Variants in SLC17A1 observed in about 807,000 individuals in gnomAD.
The protein encoded by SLC17A1 is sodium-dependent phosphate transport protein 1.
Under a neutral mutation model 53.5 loss-of-function variants are expected in SLC17A1, and 51 were observed. The observed-to-expected ratio is 0.95, with a 90% CI of 0.76 to 1.20. The LOEUF (loss-of-function observed/expected upper bound fraction) is 1.20. Ranked by LOEUF, SLC17A1 falls within the 50% of genes most tolerant of loss-of-function variation. The pLI is 0.00. For synonymous variants in SLC17A1, 179 were observed against 198.8 expected (o/e 0.90, Z 0.84); for missense variants, 538 against 568.2 (o/e 0.95, Z 0.54).
the SLC17A1 span, among the ~76,000 whole-genome samples, chr6:25,766,653 T>C: frequency 4.6e-5 from 7 of 152,192 alleles, no homozygotes; most frequent in Non-Finnish European, 8.8e-5. Flanking sequence ...AGAATGAGTT[T>C]ACCTCCATGG....
chr6:25,795,224 C>A (rs1763579225), intron 12 of SLC17A1, among the ~76,000 whole-genome samples: 1 of 151,990 alleles, frequency 6.6e-6, no homozygotes, highest in Non-Finnish European at 1.5e-5. Context: ...ACCAGGTAAA[C>A]AAAGGAGAAT....
intron 6 of SLC17A1, among the ~76,000 whole-genome samples, chr6:25,814,674 C>T (rs1764272007): frequency 6.6e-6 from 1 of 152,010 alleles, no homozygotes; most frequent in Non-Finnish European, 1.5e-5. Context: ...ATTGCCAAGA[C>T]AGAAAAAAGA....
At chr6:25,764,457 C>G in the SLC17A1 span, among the ~76,000 whole-genome samples, 2 of 152,206 alleles carry the variant, frequency 1.3e-5, no homozygotes, top group African/African-American at 4.8e-5. Flanking sequence ...AAGCACAACA[C>G]TTTGAGAAAG....
the SLC17A1 span, chr6:25,776,808 C>T: frequency 5.0e-6 from 8 of 1,613,900 alleles, no homozygotes; most frequent in Non-Finnish European, 6.8e-6. Context: ...TCCTCCTACC[C>T]CAGGGGTTCT....
chr6:25,783,263 T>C (rs1017315135), intron 12 of SLC17A1, 45 bp from the exon 13 acceptor site: 3 of 152,150 alleles, frequency 2.0e-5, no homozygotes, highest in Admixed American at 6.5e-5. Context: ...ACAAATGTCA[T>C]TTGTGAGTCC....
the SLC17A1 span, among the ~76,000 whole-genome samples, chr6:25,727,465 C>T: frequency 2.0e-5 from 3 of 150,632 alleles, no homozygotes; most frequent in South Asian, 6.3e-4. Flanking sequence ...AATCTCGGCT[C>T]ACTGCAAGCT....
the SLC17A1 span, among the ~76,000 whole-genome samples, chr6:25,724,979 C>T: frequency 0.29 from 42,450 of 146,858 alleles, 7,014 homozygotes; most frequent in East Asian, 0.69. Flanking sequence ...TATGTGTAGA[C>T]ATCAAGTGTT....
intron 10 of SLC17A1, among the ~76,000 whole-genome samples, chr6:25,806,465 A>G (rs1218737790): frequency 6.6e-6 from 1 of 152,124 alleles, no homozygotes; most frequent in African/African-American, 2.4e-5. Flanking sequence ...GACAACTGGA[A>G]CAAGACAAGG....
intron 2 of SLC17A1, among the ~76,000 whole-genome samples, chr6:25,830,087 T>C (rs1017183594): frequency 5.6e-4 from 85 of 152,190 alleles, no homozygotes; most frequent in African/African-American, 2.0e-3. Context: ...GCAGTAATCC[T>C]TTATTGTCAT....
chr6:25,728,234 C>A, the SLC17A1 span, among the ~76,000 whole-genome samples: 39 of 152,260 alleles, frequency 2.6e-4, no homozygotes, highest in African/African-American at 9.4e-4. Context: ...ATTGTGCGAA[C>A]TCTGGAGAAC....
chr6:25,815,873 C>G (rs1030941277), intron 6 of SLC17A1, among the ~76,000 whole-genome samples: 1 of 151,370 alleles, frequency 6.6e-6, no homozygotes, highest in African/African-American at 2.4e-5. Flanking sequence ...GGACCCCTGC[C>G]CTTGCTCATT....
chr6:25,748,542 C>T, the SLC17A1 span, among the ~76,000 whole-genome samples: 2 of 152,086 alleles, frequency 1.3e-5, no homozygotes, highest in Non-Finnish European at 2.9e-5. Flanking sequence ...GGACGAGAGA[C>T]TGAGAAAAGA....
intron 10 of SLC17A1, among the ~76,000 whole-genome samples, chr6:25,808,924 T>C (rs568744290): frequency 8.5e-5 from 13 of 152,066 alleles, no homozygotes; most frequent in Non-Finnish European, 1.9e-4. Flanking sequence ...GGAAAAGATA[T>C]TATTGTATCA....
intron 12 of SLC17A1, among the ~76,000 whole-genome samples, chr6:25,786,875 A>G (rs1295351463): frequency 2.0e-5 from 3 of 152,162 alleles, no homozygotes; most frequent in Non-Finnish European, 4.4e-5. Context: ...GTCCGCCTGC[A>G]GCTTTGTCCC....
the SLC17A1 span, chr6:25,777,882 G>A: frequency 2.0e-5 from 31 of 1,512,840 alleles, no homozygotes; most frequent in South Asian, 1.7e-4. Context: ...ACTTTCAAAC[G>A]TAGGTATACT....
intron 6 of SLC17A1, among the ~76,000 whole-genome samples, chr6:25,818,217 T>C (rs1192275040): frequency 6.6e-6 from 1 of 152,180 alleles, no homozygotes; most frequent in Non-Finnish European, 1.5e-5. Context: ...CCTGGTTAGC[T>C]CTGTCTTATG....
intron 12 of SLC17A1, among the ~76,000 whole-genome samples, chr6:25,794,378 CTA>C (rs1204062914): frequency 6.6e-6 from 1 of 152,114 alleles, no homozygotes; most frequent in African/African-American, 2.4e-5. Flanking sequence ...ATCTTGATAA[CTA>C]TTTCAACATA....
At chr6:25,819,473 A>C in intron 5 of SLC17A1, 38 bp downstream of exon 5, 4 of 1,466,376 alleles carry the variant, frequency 2.7e-6, no homozygotes, top group Non-Finnish European at 3.8e-6. Context: ...CAATGAGATG[A>C]AGATAGGATT....
In SLC17A1 at chr6:25,811,672, G is replaced by A. The variant is rs757219937; in HGVS notation, c.996C>T (p.Ser332=). The part of the protein sequence containing the change: ...SDFFLTRNIL[S]VIAVRKLFTA... ...TGAAGAGTTTCCGGACAGCAATTACGCTGAGAATATTCCTGGTCAGGAAGA... is the reference window on the plus strand; with the variant it reads ...TGAAGAGTTTCCGGACAGCAATTACACTGAGAATATTCCTGGTCAGGAAGA... The change falls in exon 9 of 13, where the codon AGC becomes AGT. Residue 332 remains serine (S), a synonymous_variant. Coordinates refer to ENST00000244527, the MANE Select transcript of SLC17A1 (RefSeq NM_005074.5). 1.1e-5 allele frequency: 18 copies of A among 1,613,768 alleles called. No individual in the cohort carries two copies. Among genetic ancestry groups the A allele is most frequent in the Admixed American group, 8.3e-5 (5 of 59,980 alleles).
Sources: gnomAD v4.1 joint callset for allele counts (sites outside exome capture counted in the v4.1 genomes callset) on GRCh38, gnomAD v4.1.1 for gene constraint, MANE v1.5 for transcripts, NCBI Gene and HGNC (gene_info 2026-07-23, HGNC 2026-07-21) for gene names.